PRKCG: variants seen among roughly 807,000 people sequenced by gnomAD.
PRKCG encodes protein kinase C gamma.
In PRKCG, 28 loss-of-function variants were observed where a neutral mutation model predicts 82.0. That is an observed-to-expected ratio of 0.34 (90% confidence interval 0.25 to 0.47). The LOEUF (loss-of-function observed/expected upper bound fraction) is 0.47, where lower values mean the gene tolerates loss of function less well. Ranked by LOEUF, PRKCG falls within the 20% of genes least tolerant of loss-of-function variation. PRKCG has a pLI of 1.00. For synonymous variants in PRKCG, 383 were observed against 376.6 expected (o/e 1.02, Z -0.20); for missense variants, 640 against 952.7 (o/e 0.67, Z 4.32).
At chr19:53,882,172 A>G, upstream of PRKCG, 1 of 367,948 alleles carries the variant, frequency 2.7e-6, no homozygotes, top group Non-Finnish European at 5.0e-6. The surrounding 1 kb of genome is among the most constrained non-coding windows in gnomAD (Gnocchi z 6.1). Context: ...CGTCCTGGCA[A>G]CGCCTCCCCC....
At chr19:53,881,568 C>T (rs184291753), upstream of PRKCG, among the ~76,000 whole-genome samples, 77 of 151,672 alleles carry the variant, frequency 5.1e-4, no homozygotes, top group African/African-American at 1.9e-3. Flanking sequence ...AGAAGAACCA[C>T]GACACCAAGA....
intron 17 of PRKCG, 97 bp downstream of exon 17, chr19:53,906,554 C>T (rs1376270553): frequency 2.8e-5 from 44 of 1,559,614 alleles, no homozygotes; most frequent in Non-Finnish European, 3.2e-5. Context: ...GTTCCCTCTG[C>T]AGAGCCCCCC....
intron 15 of PRKCG, among the ~76,000 whole-genome samples, chr19:53,903,754 C>T (rs147167947): frequency 1.3e-5 from 2 of 152,220 alleles, no homozygotes; most frequent in Admixed American, 6.5e-5. Flanking sequence ...AAAGAACAAA[C>T]AAACAAAAGA....
rs1568763771 is a variant in PRKCG, at chr19:53,906,040, TCCC to T, written c.1765-276_1765-274del. 1.4e-4 allele frequency among the ~76,000 whole-genome samples: 7 copies of T among 51,482 alleles called. 1 individual carries two copies. The highest frequency in any genetic ancestry group is 6.8e-4 in the African/African-American group (6 of 8,788). The allele number at this position is 51,482 out of a possible 152,430, so 33.8% of individuals were successfully genotyped here. A position where few individuals can be genotyped will look rare whatever the true frequency, so the allele number is the denominator to read the frequency against. ...CTGTCTGTCTCCCTCCTCCTCCTCC[TCCC>T]TCCTCCTCCTCCTCCTCCTCCTCCT... On this transcript the variant is annotated intron_variant, in intron 16 of 17. Transcript: ENST00000263431.
Position 53,906,124 on chromosome 19 carries a change from T to TTCTTCTTCTTTTCTTCTC in PRKCG, c.1765-190_1765-189insTCTTCTTTTCTTCTCTCT, listed in dbSNP as rs1568764147. Among the ~76,000 whole-genome samples the TTCTTCTTCTTTTCTTCTC allele has an allele frequency of 1.4e-3, 100 of 70,588 alleles. 1 individual carries two copies. Among genetic ancestry groups the TTCTTCTTCTTTTCTTCTC allele is most frequent in the South Asian group, 4.0e-3 (7 of 1,736 alleles). The allele number at this position is 70,588 out of a possible 152,430, so 46.3% of individuals were successfully genotyped here. On this transcript the variant is annotated intron_variant, in intron 16 of 17. Coordinates refer to ENST00000263431, the MANE Select transcript of PRKCG (RefSeq NM_002739.5). Reference sequence around the variant, plus strand: ...TCTTCTTCTTCTTCTTCTTCTTTTCTTCTCTCTCTCTCTCCTTTCTTTTCC... The same window carrying TTCTTCTTCTTTTCTTCTC: ...TCTTCTTCTTCTTCTTCTTCTTTTCTTCTTCTTCTTTTCTTCTCTCTCTCTCTCTCTCCTTTCTTTTCC...
In PRKCG at chr19:53,884,259, C is replaced by T. The variant is rs1371697564; in HGVS notation, c.285+16C>T. ...CCAGACGGACGTGAGTGCTCGGACACCTGGTTCTCCTCCTCGGGCCGTGCC... is the reference window on the plus strand; with the variant it reads ...CCAGACGGACGTGAGTGCTCGGACATCTGGTTCTCCTCCTCGGGCCGTGCC... On this transcript the variant is annotated intron_variant, in intron 3 of 17. Transcript: ENST00000263431. This position sits in a 1 kb window ranked among gnomAD's most constrained non-coding sequence, Gnocchi z 4.6. The T allele has an allele frequency of 5.6e-6, 9 of 1,612,402 alleles. No homozygotes were observed. In the African/African-American group the frequency reaches 1.1e-4, roughly 19 times the overall value.
chr19:53,882,416 C>T lies in PRKCG; in HGVS notation c.-79C>T, dbSNP rs2068599227. The stretch of plus-strand genomic sequence containing the variant: ...TTTCCCTGTGGCTCCTTTGATCCTT[C>T]GAGTCTCCAGCTCCTCTCCCTTCCA... On this transcript the variant is annotated 5_prime_UTR_variant, in exon 1 of 18. Coordinates refer to ENST00000263431, the MANE Select transcript of PRKCG (RefSeq NM_002739.5). The surrounding 1 kb of genome is among the most constrained non-coding windows in gnomAD (Gnocchi z 6.1). 6 of 1,555,540 alleles carry T rather than the reference C, an allele frequency of 3.9e-6. No individual in the cohort carries two copies. The highest frequency in any genetic ancestry group is 1.7e-6 in the Non-Finnish European group (2 of 1,149,328).
At position 53,889,733 on chromosome 19, in the gene PRKCG, G is replaced by A. The variant is rs973767996; in HGVS notation, c.381G>A (p.Gln127=). The change falls in exon 4 of 18, where the codon CAG becomes CAA. Residue 127 remains glutamine, a synonymous_variant. Transcript: ENST00000263431. This position sits in a 1 kb window ranked among gnomAD's most constrained non-coding sequence, Gnocchi z 4.4. The stretch of plus-strand genomic sequence containing the variant: ...CCCTCCTCTACGGGCTTGTGCACCA[G>A]GGCATGAAATGCTCCTGTGAGTGAC... ...CGSLLYGLVH[Q]GMKCSCCEMN... is the part of the protein sequence containing the mutation. 6 of 1,614,022 alleles carry A rather than the reference G, an allele frequency of 3.7e-6. No homozygotes were observed. The Admixed American group carries it at 6.7e-5, about 18-fold the overall frequency.
At chr19:53,896,830 C>A (rs1568757832) in intron 9 of PRKCG, among the ~76,000 whole-genome samples, 1 of 152,210 alleles carries the variant, frequency 6.6e-6, no homozygotes, top group Admixed American at 6.5e-5. Flanking sequence ...GATAGTCACA[C>A]AGATAGATGT....
At chr19:53,899,027 C>T (rs1450950720) in intron 11 of PRKCG, among the ~76,000 whole-genome samples, 1 of 147,768 alleles carries the variant, frequency 6.8e-6, no homozygotes, top group African/African-American at 2.5e-5. Flanking sequence ...CATTAATAGG[C>T]GTGGCCAGGC....
intron 3 of PRKCG, among the ~76,000 whole-genome samples, chr19:53,885,987 G>C (rs1182443502): frequency 6.7e-6 from 1 of 149,988 alleles, no homozygotes; most frequent in East Asian, 2.0e-4. Context: ...GCTTGAACCT[G>C]AGCGGCAGAG....
intron 11 of PRKCG, 31 bp downstream of exon 11, chr19:53,898,659 C>T (rs777033709): frequency 1.3e-6 from 2 of 1,547,914 alleles, no homozygotes; most frequent in Non-Finnish European, 1.7e-6. Flanking sequence ...GGCTGTCCTC[C>T]GGGCCCTGCC....
intron 11 of PRKCG, among the ~76,000 whole-genome samples, 170 bp downstream of exon 11, chr19:53,898,798 G>A (rs1284423369): frequency 2.7e-5 from 2 of 72,858 alleles, no homozygotes; most frequent in East Asian, 8.6e-4. Flanking sequence ...GGGGTCCTTG[G>A]GGGGCGTGGC....
At chr19:53,886,464 GGGATCATAGCTCA>G (rs1568751211) in intron 3 of PRKCG, among the ~76,000 whole-genome samples, 1 of 151,852 alleles carries the variant, frequency 6.6e-6, no homozygotes, top group African/African-American at 2.4e-5. Flanking sequence ...GTACAGTGAT[GGGATCATAGCTCA>G]CTGCAGCCTT....
intron 16 of PRKCG, 43 bp downstream of exon 16, chr19:53,904,785 C>T (rs774774112): frequency 3.9e-5 from 58 of 1,478,174 alleles, no homozygotes; most frequent in Non-Finnish European, 5.5e-5. Flanking sequence ...CTCACAACCA[C>T]ACACCCCATT....
chr19:53,883,065 G>A lies in PRKCG; in HGVS notation c.171-98G>A. The stretch of plus-strand genomic sequence containing the variant: ...CGGGGCTTGGACACCTGGGCCCTGC[G>A]GGAGGAGGGTCAGAGAGCGCAGGCC... On this transcript the variant is annotated intron_variant, in intron 1 of 17. Transcript: ENST00000263431. This position sits in a 1 kb window ranked among gnomAD's most constrained non-coding sequence, Gnocchi z 5.4. 6.7e-7 allele frequency: 1 copy of A among 1,497,038 alleles called. No homozygotes were observed. The highest frequency in any genetic ancestry group is 9.3e-7 in the Non-Finnish European group (1 of 1,074,758). 92.7% of individuals were successfully genotyped at this position (1,497,038 alleles called of 1,614,324 possible).
chr19:53,893,146 C>CGGAA, intron 8 of PRKCG, 71 bp downstream of exon 8: 1 of 1,457,144 alleles, frequency 6.9e-7, no homozygotes, highest in Admixed American at 1.8e-5. Flanking sequence ...CCTTTCCTTC[C>CGGAA]ACCCCTGAGT....
Position 53,884,106 on chromosome 19 carries a change from C to T in PRKCG, c.203-55C>T, listed in dbSNP as rs910451123. ...TTTCCAATTTTCTGTCTGCTGGGGT[C>T]TCCCGCTGGACTAATCCATGCCTCC... On this transcript the variant is annotated intron_variant, in intron 2 of 17. Coordinates refer to ENST00000263431, the MANE Select transcript of PRKCG (RefSeq NM_002739.5). This position sits in a 1 kb window ranked among gnomAD's most constrained non-coding sequence, Gnocchi z 4.6. The T allele has an allele frequency of 2.1e-5, 33 of 1,562,298 alleles. No individual in the cohort carries two copies. In the Admixed American group the frequency reaches 5.5e-4, roughly 26 times the overall value.
Position 53,904,661 on chromosome 19 carries a change from G to A in PRKCG, c.1683G>A (p.Glu561=), listed in dbSNP as rs1271923710. 1.9e-5 allele frequency: 31 copies of A among 1,613,538 alleles called. No individual in the cohort carries two copies. The highest frequency in any genetic ancestry group is 2.5e-5 in the Non-Finnish European group (30 of 1,179,954). The change falls in exon 16 of 18, where the codon GAG becomes GAA. Residue 561 remains glutamate (E), a synonymous_variant. Transcript: ENST00000263431. The stretch of plus-strand genomic sequence containing the variant: ...CTCCCTTCGATGGGGAGGACGAGGA[G>A]GAGCTGTTTCAGGCCATCATGGAAC... ...GQPPFDGEDE[E]ELFQAIMEQT... is the part of the protein sequence containing the mutation.
Sources: allele counts gnomAD v4.1 joint callset (sites outside exome capture counted in the v4.1 genomes callset), GRCh38; gene constraint gnomAD v4.1.1; non-coding constraint Gnocchi (gnomAD v3.1); transcripts MANE v1.5; gene names NCBI Gene and HGNC (gene_info 2026-07-23, HGNC 2026-07-21).